HDAC9: variants seen among roughly 807,000 people sequenced by gnomAD.
HDAC9 encodes histone deacetylase 9.
Under a neutral mutation model 139.4 loss-of-function variants are expected in HDAC9, and 41 were observed. The ratio of observed to expected loss-of-function variants is 0.29; its 90% CI spans 0.23 to 0.38. HDAC9 has a LOEUF of 0.38. HDAC9 is among the 10% of genes least tolerant of loss of function. The pLI is 1.00. For synonymous variants in HDAC9, 517 were observed against 476.2 expected (o/e 1.09, Z -1.12); for missense variants, 1,147 against 1,297.0 (o/e 0.88, Z 1.78).
intron 1 of HDAC9, among the ~76,000 whole-genome samples, chr7:18,485,543 C>T (rs1453516795): frequency 3.3e-5 from 5 of 151,030 alleles, no homozygotes; most frequent in African/African-American, 7.3e-5. Flanking sequence ...GATGTTAGTT[C>T]GGCAATACAG....
In HDAC9 at chr7:18,248,727, G is replaced by A. The variant is rs541165405; in HGVS notation, c.25+86378G>A. 3.9e-5 allele frequency among the ~76,000 whole-genome samples: 6 copies of A among 152,238 alleles called. No individual in the cohort carries two copies. In the South Asian group the frequency reaches 1.2e-3, roughly 32 times the overall value. On this transcript the variant is annotated intron_variant, in intron 2 of 12. Coordinates refer to the HDAC9 transcript ENST00000417496. ...TAAAAGTCTTCTCACCAAGGCTGTG[G>A]GAAGGAACGTTTCCTCCAAGAACTA...
At position 18,998,114 on chromosome 7, in the gene HDAC9, C is replaced by T. The variant is rs1427391161; in HGVS notation, c.*2052C>T. On this transcript the variant is annotated 3_prime_UTR_variant, in exon 26 of 26. Transcript: ENST00000686413. ...GTAGAGCCAAAGGCTTAACAAAAGACTCTCCCCCATTTTAAAAAGGAAACT... is the reference window on the plus strand; with the variant it reads ...GTAGAGCCAAAGGCTTAACAAAAGATTCTCCCCCATTTTAAAAAGGAAACT... 6.6e-6 allele frequency: 1 copy of T among 152,040 alleles called. No homozygotes were observed. The highest frequency in any genetic ancestry group is 1.5e-5 in the Non-Finnish European group (1 of 67,990). The allele number at this position is 152,040 out of a possible 1,614,324, so 9.4% of individuals were successfully genotyped here. A position where few individuals can be genotyped will look rare whatever the true frequency, so the allele number is the denominator to read the frequency against.
At chr7:18,788,753 TAA>T (rs5882674) in intron 16 of HDAC9, among the ~76,000 whole-genome samples, 5 of 135,656 alleles carry the variant, frequency 3.7e-5, no homozygotes, top group Non-Finnish European at 6.2e-5. Flanking sequence ...AGACTCTGTT[TAA>T]AAAAAAAAAA....
chr7:18,758,183 T>A (rs571897099), intron 14 of HDAC9, among the ~76,000 whole-genome samples: 1 of 152,296 alleles, frequency 6.6e-6, no homozygotes, highest in South Asian at 2.1e-4. Context: ...AGACCCGTAT[T>A]GACTCCAGGT....
chr7:18,202,750 A>C (rs1307490106), intron 2 of HDAC9, among the ~76,000 whole-genome samples: 4 of 152,188 alleles, frequency 2.6e-5, no homozygotes. Flanking sequence ...CTTCATGGGC[A>C]TGTCAAGTAT....
chr7:18,122,296 T>G (rs1250910767), intron 1 of HDAC9, among the ~76,000 whole-genome samples: 2 of 152,154 alleles, frequency 1.3e-5, no homozygotes, highest in African/African-American at 2.4e-5. Flanking sequence ...ATATGTTATA[T>G]GAGGGCAGTA....
chr7:18,873,262 A>G (rs1025309172), intron 21 of HDAC9, among the ~76,000 whole-genome samples: 3 of 152,200 alleles, frequency 2.0e-5, no homozygotes, highest in African/African-American at 7.2e-5. Flanking sequence ...ACTTAGTTTT[A>G]TGATCAGCCA....
At chr7:18,209,992 G>T (rs1057384654) in intron 2 of HDAC9, among the ~76,000 whole-genome samples, 1 of 150,424 alleles carries the variant, frequency 6.6e-6, no homozygotes, top group East Asian at 2.0e-4. Flanking sequence ...GAGCCACCGC[G>T]CCCGGCCAAG....
chr7:18,249,374 G>A (rs756869535), intron 2 of HDAC9, among the ~76,000 whole-genome samples: 6 of 151,522 alleles, frequency 4.0e-5, no homozygotes, highest in Non-Finnish European at 8.8e-5. Flanking sequence ...GTGGTGGCAC[G>A]TGTCTGTAAT....
At chr7:18,779,631 G>A (rs190581438) in intron 16 of HDAC9, among the ~76,000 whole-genome samples, 17 of 152,128 alleles carry the variant, frequency 1.1e-4, no homozygotes, top group African/African-American at 4.1e-4. Context: ...CTGAGACTTG[G>A]TTTCTTTATC....
At chr7:18,293,793 CGTACTA>C (rs1562844592) in intron 1 of HDAC9, among the ~76,000 whole-genome samples, 1 of 151,950 alleles carries the variant, frequency 6.6e-6, no homozygotes, top group African/African-American at 2.4e-5. Flanking sequence ...GGGATTACTG[CGTACTA>C]GTGCCTTCAT....
chr7:18,799,877 A>G (rs1317692643), intron 17 of HDAC9, among the ~76,000 whole-genome samples: 1 of 152,234 alleles, frequency 6.6e-6, no homozygotes, highest in Non-Finnish European at 1.5e-5. Context: ...AATATTTCCC[A>G]AATTCAATAA....
chr7:18,678,828 C>G (rs1486422970), intron 12 of HDAC9, among the ~76,000 whole-genome samples: 1 of 151,862 alleles, frequency 6.6e-6, no homozygotes, highest in African/African-American at 2.4e-5. Context: ...CAATGTTAGA[C>G]AATTTAAATT....
At chr7:18,764,750 C>A (rs992620937) in intron 15 of HDAC9, among the ~76,000 whole-genome samples, 8 of 152,086 alleles carry the variant, frequency 5.3e-5, no homozygotes, top group Middle Eastern at 3.4e-3. Flanking sequence ...TTCCATATAT[C>A]TTACTACATC....
chr7:18,681,279 G>A (rs1195615740), intron 12 of HDAC9, among the ~76,000 whole-genome samples: 1 of 151,856 alleles, frequency 6.6e-6, no homozygotes, highest in Non-Finnish European at 1.5e-5. Flanking sequence ...ATTCCAGTTT[G>A]GTCTTGTTTT....
rs1380249862 is a variant in HDAC9 at position 18,689,473 on chromosome 7, ATAACCAAACAG to A, written c.1731+22999_1731+23009del. 2.6e-5 allele frequency among the ~76,000 whole-genome samples: 4 copies of A among 152,020 alleles called. No homozygotes were observed. The East Asian group carries it at 7.7e-4, about 29-fold the overall frequency. The stretch of plus-strand genomic sequence containing the variant: ...AAGGCAAAGAGGAAGAAAAATGATT[ATAACCAAACAG>A]TCCCTTTAGGAATGTTTTAGGAATA... On this transcript the variant is annotated intron_variant, in intron 12 of 25. Coordinates refer to ENST00000686413, the MANE Select transcript of HDAC9 (RefSeq NM_178425.4).
At chr7:18,260,193 T>A (rs1248840155) in intron 2 of HDAC9, among the ~76,000 whole-genome samples, 2 of 152,162 alleles carry the variant, frequency 1.3e-5, no homozygotes, top group African/African-American at 4.8e-5. Flanking sequence ...CTTTTAAACC[T>A]GGTCAAAGCC....
At position 18,648,680 on chromosome 7, in the gene HDAC9, C is replaced by G. The variant is rs1241185830; in HGVS notation, c.1464C>G (p.Asn488Lys). Residue 488 changes from asparagine to lysine, a missense_variant, in exon 11 of 26, where the codon AAC (asparagine) becomes AAG (lysine). Transcript: ENST00000686413. Reference sequence around the variant, plus strand: ...AATACCAGCAGCAGATCCACATGAACAAAGTAAGCCTCCAAGCCAAGTCAA... The same window carrying G: ...AATACCAGCAGCAGATCCACATGAAGAAAGTAAGCCTCCAAGCCAAGTCAA... ...QKQYQQQIHM[N>K]KLLSKSIEQL... The G allele has an allele frequency of 5.0e-6, 8 of 1,609,254 alleles. No homozygotes were observed. The South Asian group carries it at 7.7e-5, about 16-fold the overall frequency.
At chr7:18,884,973 C>T (rs1306203318) in intron 22 of HDAC9, among the ~76,000 whole-genome samples, 1 of 152,202 alleles carries the variant, frequency 6.6e-6, no homozygotes, top group Non-Finnish European at 1.5e-5. Flanking sequence ...TACTGATATT[C>T]TTCAAGTTTA....
Sources: allele counts gnomAD v4.1 joint callset (sites outside exome capture counted in the v4.1 genomes callset), GRCh38; gene constraint gnomAD v4.1.1; transcripts MANE v1.5; gene names NCBI Gene and HGNC (gene_info 2026-07-23, HGNC 2026-07-21).